Variants in FEZ1 observed in about 807,000 individuals in gnomAD.
FEZ1 encodes the protein fasciculation and elongation protein zeta-1.
In FEZ1, 20 loss-of-function variants were observed where a neutral mutation model predicts 49.3. The observed-to-expected ratio is 0.41, with a 90% confidence interval of 0.29 to 0.59. FEZ1 has a LOEUF of 0.59. FEZ1 is among the 20% of genes least tolerant of loss of function. The pLI is 0.36. For synonymous variants in FEZ1, 170 were observed against 180.9 expected (o/e 0.94, Z 0.48); for missense variants, 413 against 476.0 (o/e 0.87, Z 1.23).
In FEZ1 at chr11:125,455,818, C is replaced by T. The variant is rs148660822; in HGVS notation, c.939+17G>A. 6.2e-5 allele frequency: 100 copies of T among 1,613,900 alleles called. 1 individual carries two copies. In the East Asian group the frequency reaches 2.1e-3, roughly 35 times the overall value. On this transcript the variant is annotated intron_variant, in intron 6 of 9. Coordinates refer to ENST00000278919, the MANE Select transcript of FEZ1 (RefSeq NM_005103.5). The stretch of plus-strand genomic sequence containing the variant: ...GAGGTTGGAGGCACCCAGTCTTCCA[C>T]CTGGTTGTTCACCTACCTTGAGAGG...
intron 1 of FEZ1, among the ~76,000 whole-genome samples, chr11:125,494,959 CG>C (rs1040686684): frequency 6.6e-5 from 10 of 152,274 alleles, no homozygotes; most frequent in Non-Finnish European, 1.3e-4. Context: ...TTCCGTGCCT[CG>C]TCCCCCATAT....
intron 2 of FEZ1, among the ~76,000 whole-genome samples, chr11:125,484,890 G>A (rs1957313531): frequency 6.6e-6 from 1 of 152,098 alleles, no homozygotes. Context: ...AGCAACAGAG[G>A]AGCCAATGCA....
chr11:125,485,805 G>T (rs559573304), intron 2 of FEZ1, among the ~76,000 whole-genome samples: 9 of 151,032 alleles, frequency 6.0e-5, no homozygotes, highest in Non-Finnish European at 1.3e-4. Flanking sequence ...AATTAGTCCG[G>T]CGTGGCAGCG....
intron 2 of FEZ1, among the ~76,000 whole-genome samples, chr11:125,485,060 CCTG>C (rs1297847811): frequency 6.6e-6 from 1 of 152,148 alleles, no homozygotes; most frequent in Non-Finnish European, 1.5e-5. Flanking sequence ...TGAGAAGCAT[CCTG>C]CTATTTACTC....
intron 2 of FEZ1, among the ~76,000 whole-genome samples, chr11:125,482,695 T>C (rs1027788379): frequency 6.6e-6 from 1 of 152,118 alleles, no homozygotes; most frequent in African/African-American, 2.4e-5. Flanking sequence ...CCGGGCGCGA[T>C]GGCTCACGCC....
In FEZ1 at chr11:125,495,675, G is replaced by A; in HGVS notation, c.-46+446C>T. On this transcript the variant is annotated intron_variant, in intron 1 of 9. Coordinates refer to ENST00000278919, the MANE Select transcript of FEZ1 (RefSeq NM_005103.5). This position sits in a 1 kb window ranked among gnomAD's most constrained non-coding sequence, Gnocchi z 4.2. ...TTTACGGTGACTGGACCAGATAACG[G>A]TCCCGGGACGAGGTACCGACCCACT... The A allele has an allele frequency of 2.6e-6, 1 of 387,740 alleles. No individual in the cohort carries two copies. The highest frequency in any genetic ancestry group is 1.9e-5 in the South Asian group (1 of 53,140). The allele number at this position is 387,740 out of a possible 1,614,324, so 24.0% of individuals were successfully genotyped here.
Position 125,489,834 on chromosome 11 carries a change from G to T in FEZ1, c.-45-12C>A. 1 of 1,510,506 alleles carries T rather than the reference G, an allele frequency of 6.6e-7. No individual in the cohort carries two copies. Among genetic ancestry groups the T allele is most frequent in the South Asian group, 1.4e-5 (1 of 72,522 alleles). The allele number at this position is 1,510,506 out of a possible 1,614,324, so 93.6% of individuals were successfully genotyped here. A position where few individuals can be genotyped will look rare whatever the true frequency, so the allele number is the denominator to read the frequency against. ...CAGGATGAGTTTATCTAAAAGAAATGAACAGCGTAATGTGAGTTTAGACCA... is the reference window on the plus strand; with the variant it reads ...CAGGATGAGTTTATCTAAAAGAAATTAACAGCGTAATGTGAGTTTAGACCA... On this transcript the variant is annotated splice_polypyrimidine_tract_variant and intron_variant, in intron 1 of 9. Transcript: ENST00000278919. The surrounding 1 kb of genome is among the most constrained non-coding windows in gnomAD (Gnocchi z 4.2).
intron 1 of FEZ1, among the ~76,000 whole-genome samples, chr11:125,490,204 A>G (rs935665173): frequency 2.0e-5 from 3 of 152,184 alleles, no homozygotes; most frequent in African/African-American, 4.8e-5. Context: ...TACTATTACT[A>G]TTACCACAGA....
intron 2 of FEZ1, 137 bp from the exon 3 acceptor site, chr11:125,481,770 G>A (rs546944577): frequency 1.0e-5 from 7 of 684,086 alleles, no homozygotes; most frequent in Non-Finnish European, 1.8e-5. Flanking sequence ...GCATGCAGGG[G>A]CAAAGCAGCT....
At chr11:125,471,737 G>A (rs959889946) in intron 3 of FEZ1, among the ~76,000 whole-genome samples, 1 of 152,030 alleles carries the variant, frequency 6.6e-6, no homozygotes, top group African/African-American at 2.4e-5. Context: ...TTGGAACACA[G>A]GAATTCAACA....
At chr11:125,468,136 G>C (rs566240219) in intron 3 of FEZ1, among the ~76,000 whole-genome samples, 1 of 152,028 alleles carries the variant, frequency 6.6e-6, no homozygotes, top group Non-Finnish European at 1.5e-5. Flanking sequence ...ATGAAACTCT[G>C]AGTAGAGTTC....
intron 2 of FEZ1, among the ~76,000 whole-genome samples, chr11:125,484,923 T>C (rs1957313850): frequency 6.6e-6 from 1 of 152,014 alleles, no homozygotes; most frequent in Admixed American, 6.6e-5. Context: ...GGAAACAGCT[T>C]TCTGTGAGGA....
chr11:125,444,609 G>T lies in FEZ1; in HGVS notation c.*1486C>A, dbSNP rs1253151147. On this transcript the variant is annotated 3_prime_UTR_variant, in exon 10 of 10. Transcript: ENST00000278919. ...TGAAAAAAAAAAAGCAGAGGCCCAGGAAGGGAGGCAGGGCACTGGGAGTGC... is the reference window on the plus strand; with the variant it reads ...TGAAAAAAAAAAAGCAGAGGCCCAGTAAGGGAGGCAGGGCACTGGGAGTGC... Among the ~76,000 whole-genome samples, 1 of 152,028 alleles carries T rather than the reference G, an allele frequency of 6.6e-6. No homozygotes were observed. The highest frequency in any genetic ancestry group is 1.5e-5 in the Non-Finnish European group (1 of 67,958).
Position 125,489,205 on chromosome 11 carries a change from T to G in FEZ1, c.311+262A>C. On this transcript the variant is annotated intron_variant, in intron 2 of 9. Coordinates refer to ENST00000278919, the MANE Select transcript of FEZ1 (RefSeq NM_005103.5). The surrounding 1 kb of genome is among the most constrained non-coding windows in gnomAD (Gnocchi z 4.2). ...GCTTAAGATAGACAGACCCTGAAAT[T>G]TACTGTGCTCCTGAAATTCCATTTT... The G allele has an allele frequency of 1.8e-6, 2 of 1,131,114 alleles. No homozygotes were observed. The highest frequency in any genetic ancestry group is 1.1e-6 in the Non-Finnish European group (1 of 925,122). 70.1% of individuals were successfully genotyped at this position (1,131,114 alleles called of 1,614,324 possible).
chr11:125,456,315 C>T (rs1040549602), intron 5 of FEZ1: 2 of 442,756 alleles, frequency 4.5e-6, no homozygotes, highest in African/African-American at 4.0e-5. Flanking sequence ...GAACACCCCT[C>T]TCAGGAAACA....
chr11:125,489,166 CT>C lies in FEZ1; in HGVS notation c.311+300del. 2.8e-6 allele frequency: 3 copies of C among 1,057,664 alleles called. No individual in the cohort carries two copies. The highest frequency in any genetic ancestry group is 3.4e-6 in the Non-Finnish European group (3 of 878,154). 65.5% of individuals were successfully genotyped at this position (1,057,664 alleles called of 1,614,324 possible). ...TTTCTAATATCTCGCTGGATTTCCACTGATATAAAGAAAGCTTAAGATAGAC... is the reference window on the plus strand; with the variant it reads ...TTTCTAATATCTCGCTGGATTTCCACGATATAAAGAAAGCTTAAGATAGAC... On this transcript the variant is annotated intron_variant, in intron 2 of 9. Coordinates refer to ENST00000278919, the MANE Select transcript of FEZ1 (RefSeq NM_005103.5). This position sits in a 1 kb window ranked among gnomAD's most constrained non-coding sequence, Gnocchi z 4.2.
rs1956883743 is a variant in FEZ1 at position 125,444,606 on chromosome 11, C to T, written c.*1489G>A. The stretch of plus-strand genomic sequence containing the variant: ...GTCTGAAAAAAAAAAAGCAGAGGCC[C>T]AGGAAGGGAGGCAGGGCACTGGGAG... On this transcript the variant is annotated 3_prime_UTR_variant, in exon 10 of 10. Transcript: ENST00000278919. 2.0e-5 allele frequency among the ~76,000 whole-genome samples: 3 copies of T among 151,964 alleles called. No individual in the cohort carries two copies. Among genetic ancestry groups the T allele is most frequent in the Admixed American group, 6.6e-5 (1 of 15,258 alleles).
intron 1 of FEZ1, among the ~76,000 whole-genome samples, chr11:125,491,522 T>G (rs1957382045): frequency 6.6e-6 from 1 of 151,998 alleles, no homozygotes; most frequent in African/African-American, 2.4e-5. Flanking sequence ...TATCATACCC[T>G]TCTCTACACG....
rs1014190950 is a variant in FEZ1, at chr11:125,443,959, A to T, written c.*2136T>A. Among the ~76,000 whole-genome samples, 4 of 152,220 alleles carry T rather than the reference A, an allele frequency of 2.6e-5. No homozygotes were observed. Among genetic ancestry groups the T allele is most frequent in the African/African-American group, 9.6e-5 (4 of 41,452 alleles). ...GATCTGACAAATCCAAGGCAGGAAG[A>T]AAAGCTCTCAGGAATTCACTGCTTC... is the stretch of plus-strand genomic sequence containing the variant. On this transcript the variant is annotated 3_prime_UTR_variant, in exon 10 of 10. Coordinates refer to ENST00000278919, the MANE Select transcript of FEZ1 (RefSeq NM_005103.5).
Sources: allele counts gnomAD v4.1 joint callset (sites outside exome capture counted in the v4.1 genomes callset), GRCh38; gene constraint gnomAD v4.1.1; non-coding constraint Gnocchi (gnomAD v3.1); transcripts MANE v1.5; gene names NCBI Gene and HGNC (gene_info 2026-07-23, HGNC 2026-07-21).